Variants in SGCD observed in about 807,000 individuals in gnomAD.
SGCD encodes delta-sarcoglycan.
In SGCD, 18 loss-of-function variants were observed where a neutral mutation model predicts 36.6. The observed-to-expected ratio is 0.49, with a 90% CI of 0.34 to 0.73. The LOEUF (loss-of-function observed/expected upper bound fraction) is 0.73. Ranked by LOEUF, SGCD falls within the 30% of genes least tolerant of loss-of-function variation. The probability of loss-of-function intolerance (pLI) is 0.01; values close to 1 mark genes in which losing one functional copy is unlikely to be tolerated. For synonymous variants in SGCD, 133 were observed against 130.6 expected, an observed-to-expected ratio of 1.02 and a Z score of -0.12; for missense variants, 387 against 346.7, an observed-to-expected ratio of 1.12 and a Z score of -0.92.
At chr5:156,226,034 C>T (rs1007646990) in intron 3 of SGCD, among the ~76,000 whole-genome samples, 1 of 152,012 alleles carries the variant, frequency 6.6e-6, no homozygotes. Context: ...TAATCAGCAA[C>T]ATTCTTTTTT....
chr5:156,399,541 G>A (rs1258165155), intron 3 of SGCD, among the ~76,000 whole-genome samples: 1 of 152,146 alleles, frequency 6.6e-6, no homozygotes, highest in Non-Finnish European at 1.5e-5. Flanking sequence ...TCTTGTACTT[G>A]GGGCTTCCCG....
At chr5:156,558,895 T>C (rs530742813) in intron 4 of SGCD, among the ~76,000 whole-genome samples, 1 of 152,268 alleles carries the variant, frequency 6.6e-6, no homozygotes, top group South Asian at 2.1e-4. Context: ...TGTTCTGACC[T>C]GAGAAAAGTT....
intron 4 of SGCD, among the ~76,000 whole-genome samples, chr5:156,515,675 G>A (rs540004579): frequency 2.0e-5 from 3 of 152,324 alleles, no homozygotes; most frequent in East Asian, 3.9e-4. Flanking sequence ...GTGAGCCCAC[G>A]CCACCAGGGT....
chr5:155,927,294 A>G (rs903057827), intron 1 of SGCD, among the ~76,000 whole-genome samples: 6 of 152,220 alleles, frequency 3.9e-5, no homozygotes, highest in Admixed American at 3.9e-4. Flanking sequence ...CAGTGCAGAA[A>G]GCTGAAATGC....
intron 1 of SGCD, among the ~76,000 whole-genome samples, chr5:155,924,026 A>G (rs1330976574): frequency 6.6e-6 from 1 of 152,160 alleles, no homozygotes; most frequent in Non-Finnish European, 1.5e-5. Flanking sequence ...GGGAAAGAGC[A>G]AGGCAGTGTA....
chr5:156,088,379 T>C (rs1000668804), intron 1 of SGCD, among the ~76,000 whole-genome samples: 3 of 152,182 alleles, frequency 2.0e-5, no homozygotes, highest in Admixed American at 1.3e-4. Flanking sequence ...CTTTTCCAGT[T>C]ACACCTGACA....
chr5:156,372,375 C>G (rs1246497055), intron 3 of SGCD, among the ~76,000 whole-genome samples: 2 of 152,150 alleles, frequency 1.3e-5, no homozygotes, highest in African/African-American at 2.4e-5. Flanking sequence ...GGCCTGTAGT[C>G]ATCAACAATG....
At chr5:155,964,595 A>C (rs938460184) in intron 1 of SGCD, among the ~76,000 whole-genome samples, 5 of 152,086 alleles carry the variant, frequency 3.3e-5, no homozygotes, top group Non-Finnish European at 4.4e-5. Context: ...CCAAAGTGCT[A>C]AAATTACAGG....
intron 3 of SGCD, among the ~76,000 whole-genome samples, chr5:156,485,910 C>T (rs1169376461): frequency 1.3e-5 from 2 of 152,130 alleles, no homozygotes; most frequent in Non-Finnish European, 2.9e-5. Context: ...AGATCCCCAG[C>T]AGTTCATGTT....
chr5:156,188,675 C>CCT (rs1763821160), intron 3 of SGCD, among the ~76,000 whole-genome samples: 1 of 128,944 alleles, frequency 7.8e-6, no homozygotes, highest in African/African-American at 2.8e-5. Flanking sequence ...ACCGCCCCCC[C>CCT]CGACACACAT....
chr5:155,797,147 T>G, the SGCD span, among the ~76,000 whole-genome samples: 672 of 152,258 alleles, frequency 4.4e-3, 1 homozygote, highest in Middle Eastern at 0.014. Flanking sequence ...TTGAAAAACA[T>G]AACCTACCAA....
chr5:156,067,860 A>T (rs1760376265), intron 1 of SGCD, among the ~76,000 whole-genome samples: 1 of 135,606 alleles, frequency 7.4e-6, no homozygotes, highest in East Asian at 2.0e-4. Context: ...TAGAGAGATG[A>T]ACCCGGTACC....
At chr5:156,097,010 G>A (rs111260720) in intron 1 of SGCD, among the ~76,000 whole-genome samples, 60 of 151,462 alleles carry the variant, frequency 4.0e-4, no homozygotes, top group Non-Finnish European at 5.8e-4. Flanking sequence ...TTCTTTCAGT[G>A]CTTGAAAAAT....
At chr5:156,433,406 G>T (rs1753111091) in intron 3 of SGCD, among the ~76,000 whole-genome samples, 1 of 152,056 alleles carries the variant, frequency 6.6e-6, no homozygotes, top group African/African-American at 2.4e-5. Context: ...AAACTGGGTT[G>T]GGAAACAAGT....
intron 2 of SGCD, among the ~76,000 whole-genome samples, chr5:156,122,768 G>A (rs1762073161): frequency 7.1e-6 from 1 of 139,940 alleles, no homozygotes; most frequent in Non-Finnish European, 1.5e-5. Flanking sequence ...ACCAGCCCTA[G>A]TCTGAGAGAG....
At chr5:156,471,006 A>C (rs917385498) in intron 3 of SGCD, among the ~76,000 whole-genome samples, 3 of 152,158 alleles carry the variant, frequency 2.0e-5, no homozygotes, top group Non-Finnish European at 4.4e-5. Flanking sequence ...CATCTGTTCA[A>C]ATTTAAATTT....
Position 155,904,369 on chromosome 5 carries a change from A to C in SGCD, c.-282+33945A>C, listed in dbSNP as rs367957726. Among the ~76,000 whole-genome samples, 45 of 152,322 alleles carry C rather than the reference A, an allele frequency of 3.0e-4. No homozygotes were observed. The South Asian group carries it at 9.1e-3, about 31-fold the overall frequency. ...TAAAAATTGTGGCAAAATACACTGA[A>C]CATAAAATTAGCCATTTAAACATAT... On this transcript the variant is annotated intron_variant, in intron 1 of 9. Transcript: ENST00000517913.
chr5:155,985,403 A>G (rs1473649484), intron 1 of SGCD, among the ~76,000 whole-genome samples: 2 of 152,066 alleles, frequency 1.3e-5, no homozygotes, highest in East Asian at 1.9e-4. Context: ...TATGCTTAGA[A>G]TCTCTTGCCT....
chr5:156,450,725 T>C (rs1581013012), intron 3 of SGCD, among the ~76,000 whole-genome samples: 1 of 152,106 alleles, frequency 6.6e-6, no homozygotes, highest in Non-Finnish European at 1.5e-5. Context: ...ATAAATATTG[T>C]GTAGAATTTC....
Sources: gnomAD v4.1 joint callset for allele counts (sites outside exome capture counted in the v4.1 genomes callset) on GRCh38, gnomAD v4.1.1 for gene constraint, MANE v1.5 for transcripts, NCBI Gene and HGNC (gene_info 2026-07-23, HGNC 2026-07-21) for gene names.